The following DEFB121 variants were observed in gnomAD, a reference collection of about 807,000 sequenced individuals.
DEFB121 encodes beta-defensin 121.
DEFB121 carries 5 observed loss-of-function variants against 2.5 expected under a neutral mutation model. The ratio of observed to expected loss-of-function variants is 1.96; its 90% CI spans 1.03 to 4.13. The LOEUF (loss-of-function observed/expected upper bound fraction) is 4.13, where lower values mean the gene tolerates loss of function less well. Among genes scored for constraint, DEFB121 ranks in the 30% most tolerant of loss-of-function variants. The probability of loss-of-function intolerance (pLI) is 0.00; values close to 1 mark genes in which losing one functional copy is unlikely to be tolerated. For missense variants in DEFB121, 87 were observed against 85.0 expected, an observed-to-expected ratio of 1.02 and a Z score of -0.09; for synonymous variants, 39 against 32.6, an observed-to-expected ratio of 1.20 and a Z score of -0.67.
At chr20:31,418,269 A>AAG in the DEFB121 span, among the ~76,000 whole-genome samples, 4,602 of 92,174 alleles carry the variant, frequency 0.05, 292 homozygotes, top group African/African-American at 0.23. Flanking sequence ...CAAAAAAAAA[A>AAG]AAAAAAAAAA....
At chr20:31,411,994 A>C (rs1978677528) in intron 1 of DEFB121, among the ~76,000 whole-genome samples, 1 of 152,234 alleles carries the variant, frequency 6.6e-6, no homozygotes, top group Admixed American at 6.5e-5. Flanking sequence ...GCTTTGGCCC[A>C]TAAGTCATAA....
chr20:31,407,866 C>A (rs373497728), upstream of DEFB121, among the ~76,000 whole-genome samples: 4 of 152,144 alleles, frequency 2.6e-5, no homozygotes, highest in Non-Finnish European at 5.9e-5. Context: ...CAACCTCTGC[C>A]CCCCGGGTTC....
At chr20:31,407,953 T>A (rs1300258423), upstream of DEFB121, among the ~76,000 whole-genome samples, 1 of 152,098 alleles carries the variant, frequency 6.6e-6, no homozygotes, top group Admixed American at 6.5e-5. Flanking sequence ...AATTTTTGTA[T>A]TTTTGGTAGA....
upstream of DEFB121, among the ~76,000 whole-genome samples, chr20:31,414,639 T>C (rs1474498349): frequency 6.6e-6 from 1 of 152,194 alleles, no homozygotes; most frequent in Non-Finnish European, 1.5e-5. Flanking sequence ...ATACGAAGTG[T>C]CTAAAACAGT....
chr20:31,412,906 T>A (rs918271117), upstream of DEFB121: 1 of 246,692 alleles, frequency 4.1e-6, no homozygotes, highest in African/African-American at 2.3e-5. Context: ...ACAGAGGAAA[T>A]GCCTGGCTTT....
chr20:31,407,619 G>T (rs1978524286), upstream of DEFB121, among the ~76,000 whole-genome samples: 1 of 152,160 alleles, frequency 6.6e-6, no homozygotes, highest in Non-Finnish European at 1.5e-5. Flanking sequence ...GCCTCAAGCA[G>T]GGCAATCTAG....
At chr20:31,410,548 T>C (rs1978630909), upstream of DEFB121, among the ~76,000 whole-genome samples, 2 of 152,154 alleles carry the variant, frequency 1.3e-5, no homozygotes, top group Admixed American at 1.3e-4. Context: ...AAGGGCTTTG[T>C]ATAAGGCCAA....
the DEFB121 span, among the ~76,000 whole-genome samples, chr20:31,418,278 A>G: frequency 5.4e-4 from 75 of 137,862 alleles, 1 homozygote; most frequent in Middle Eastern, 7.1e-3. Flanking sequence ...AAAAAAAAAA[A>G]AAAAGAAAAA....
upstream of DEFB121, among the ~76,000 whole-genome samples, chr20:31,410,877 A>G (rs1978645166): frequency 6.6e-6 from 1 of 151,752 alleles, no homozygotes; most frequent in African/African-American, 2.4e-5. Context: ...TCATGGGAGC[A>G]CCATCCTTGC....
chr20:31,406,279 A>G (rs916741314), upstream of DEFB121: 42 of 1,468,356 alleles, frequency 2.9e-5, no homozygotes, highest in Middle Eastern at 1.5e-3. Context: ...AGATCAGTGA[A>G]CCAGAACGGG....
chr20:31,406,734 T>C (rs77265297), upstream of DEFB121, among the ~76,000 whole-genome samples: 1 of 152,334 alleles, frequency 6.6e-6, no homozygotes, highest in East Asian at 1.9e-4. Context: ...ACATATTTAA[T>C]AGGAACAAGT....
chr20:31,414,267 AG>A (rs1460911643), upstream of DEFB121, among the ~76,000 whole-genome samples: 1 of 151,748 alleles, frequency 6.6e-6, no homozygotes, highest in Non-Finnish European at 1.5e-5. Flanking sequence ...AGGAAGGGGA[AG>A]GGGAGGAAAG....
chr20:31,410,021 T>C (rs1022107316), upstream of DEFB121, among the ~76,000 whole-genome samples: 6 of 152,210 alleles, frequency 3.9e-5, no homozygotes, highest in East Asian at 9.6e-4. Context: ...TTACACATTA[T>C]GTTTTATATA....
intron 1 of DEFB121, 69 bp downstream of exon 1, chr20:31,406,020 TGTCAGA>T (rs1978464777): frequency 6.5e-7 from 1 of 1,538,142 alleles, no homozygotes; most frequent in Admixed American, 1.7e-5. Context: ...CAGCCCAACC[TGTCAGA>T]GTCCCCAGAG....
chr20:31,416,803 G>A (rs1226610480), upstream of DEFB121, among the ~76,000 whole-genome samples: 4 of 152,226 alleles, frequency 2.6e-5, no homozygotes, highest in Non-Finnish European at 5.9e-5. Flanking sequence ...CACGTTAAGC[G>A]CTTGAAGACA....
chr20:31,408,728 G>T (rs6057740), upstream of DEFB121, among the ~76,000 whole-genome samples: 128,392 of 152,226 alleles, frequency 0.84, 54,234 homozygotes, highest in African/African-American at 0.89. Flanking sequence ...TGTTTTCAAC[G>T]ATTTAAAAAT....
At chr20:31,415,297 T>A (rs375960647), upstream of DEFB121, among the ~76,000 whole-genome samples, 1 of 151,276 alleles carries the variant, frequency 6.6e-6, no homozygotes, top group South Asian at 2.1e-4. Flanking sequence ...TCCCCCAGGC[T>A]GGAGTGGAGT....
chr20:31,407,110 C>A (rs576499421), upstream of DEFB121, among the ~76,000 whole-genome samples: 19 of 151,938 alleles, frequency 1.3e-4, no homozygotes, highest in East Asian at 3.3e-3. Flanking sequence ...ATTAGCCGGG[C>A]GTGGTGGCTG....
upstream of DEFB121, among the ~76,000 whole-genome samples, chr20:31,409,797 C>T (rs1978606757): frequency 6.6e-6 from 1 of 152,020 alleles, no homozygotes; most frequent in South Asian, 2.1e-4. Context: ...AAGCATTAGC[C>T]TGAGTGGAAA....
Sources: gnomAD v4.1 joint callset for allele counts (sites outside exome capture counted in the v4.1 genomes callset) on GRCh38, gnomAD v4.1.1 for gene constraint, MANE v1.5 for transcripts, NCBI Gene and HGNC (gene_info 2026-07-23, HGNC 2026-07-21) for gene names.